Variants in SESN3 observed in about 807,000 individuals in gnomAD.
SESN3 encodes sestrin-3.
In SESN3, 21 loss-of-function variants were observed where a neutral mutation model predicts 55.3. The observed-to-expected ratio is 0.38, with a 90% CI of 0.27 to 0.55. SESN3 has a LOEUF of 0.55. Among genes scored for constraint, SESN3 ranks in the 20% least tolerant of loss-of-function variants. SESN3 has a pLI of 0.76. For missense variants in SESN3, 408 were observed against 604.3 expected, an observed-to-expected ratio of 0.68 and a Z score of 3.41; for synonymous variants, 181 against 203.1, an observed-to-expected ratio of 0.89 and a Z score of 0.93.
At chr11:95,212,000 A>C (rs1254148611) in intron 1 of SESN3, among the ~76,000 whole-genome samples, 1 of 152,200 alleles carries the variant, frequency 6.6e-6, no homozygotes, top group Non-Finnish European at 1.5e-5. Context: ...AAGTAAAGCC[A>C]CTTAAGTAAA....
rs1021618624 is a variant in SESN3, at chr11:95,171,807, T to G, written c.*1448A>C. On this transcript the variant is annotated 3_prime_UTR_variant, in exon 10 of 10. Transcript: ENST00000536441. Reference sequence around the variant, plus strand: ...AGTTGTAAGCATCTCTTTAGGCACTTCACTGGTTCATTGACATAATACAAA... The same window carrying G: ...AGTTGTAAGCATCTCTTTAGGCACTGCACTGGTTCATTGACATAATACAAA... The G allele has an allele frequency of 1.3e-5, 2 of 152,176 alleles. No individual in the cohort carries two copies. Among genetic ancestry groups the G allele is most frequent in the Admixed American group, 6.6e-5 (1 of 15,266 alleles). The allele number at this position is 152,176 out of a possible 1,614,324, so 9.4% of individuals were successfully genotyped here. A position where few individuals can be genotyped will look rare whatever the true frequency, so the allele number is the denominator to read the frequency against.
At chr11:95,207,581 T>G (rs2134251278) in intron 1 of SESN3, among the ~76,000 whole-genome samples, 1 of 151,746 alleles carries the variant, frequency 6.6e-6, no homozygotes, top group African/African-American at 2.4e-5. Flanking sequence ...CTAAATGCTT[T>G]AAAATTACTT....
chr11:95,229,726 G>T (rs1861016161), intron 1 of SESN3, among the ~76,000 whole-genome samples: 1 of 152,112 alleles, frequency 6.6e-6, no homozygotes, highest in Non-Finnish European at 1.5e-5. Context: ...CGTATTTAGA[G>T]ATGTTGACTA....
rs572081714 is a variant in SESN3, at chr11:95,223,771, GTAAATGTCTTGGTCCTGGAACCCCTTCA to G, written c.78+6984_78+7011del. Among the ~76,000 whole-genome samples, 190 of 152,170 alleles carry G rather than the reference GTAAATGTCTTGGTCCTGGAACCCCTTCA, an allele frequency of 1.2e-3. 4 individuals carry two copies. The East Asian group carries it at 0.026, about 21-fold the overall frequency. ...AGTAGTAACTCTGGCTCAGTAGTTC[GTAAATGTCTTGGTCCTGGAACCCCTTCA>G]TAAATGTCTTGGTCCTGGAACCCCT... is the stretch of plus-strand genomic sequence containing the variant. On this transcript the variant is annotated intron_variant, in intron 1 of 9. Coordinates refer to ENST00000536441, the MANE Select transcript of SESN3 (RefSeq NM_144665.4).
chr11:95,167,243 A>T lies in SESN3; in HGVS notation c.*6012T>A, dbSNP rs1277224734. 2 of 152,170 alleles carry T rather than the reference A, an allele frequency of 1.3e-5. No homozygotes were observed. Among genetic ancestry groups the T allele is most frequent in the Admixed American group, 1.3e-4 (2 of 15,276 alleles). The allele number at this position is 152,170 out of a possible 1,614,324, so 9.4% of individuals were successfully genotyped here. A position where few individuals can be genotyped will look rare whatever the true frequency, so the allele number is the denominator to read the frequency against. On this transcript the variant is annotated 3_prime_UTR_variant, in exon 10 of 10. Transcript: ENST00000536441. ...GATATTCTTTCGGTAGAAATTATAC[A>T]TTCATTTTTTTAAGAGGTTAACTTG... is the stretch of plus-strand genomic sequence containing the variant.
At chr11:95,178,648 A>C (rs1212900131) in intron 7 of SESN3, 62 bp downstream of exon 7, 2 of 1,026,578 alleles carry the variant, frequency 1.9e-6, no homozygotes, top group Non-Finnish European at 3.0e-6. Flanking sequence ...TTTAAAATTT[A>C]AACACTTAAC....
At chr11:95,194,523 A>G (rs1591058956) in intron 1 of SESN3, among the ~76,000 whole-genome samples, 1 of 152,242 alleles carries the variant, frequency 6.6e-6, no homozygotes, top group South Asian at 2.1e-4. Flanking sequence ...TGTACACACA[A>G]TCTTCATCAA....
At chr11:95,189,236 G>A (rs1860221583) in intron 4 of SESN3, among the ~76,000 whole-genome samples, 1 of 151,830 alleles carries the variant, frequency 6.6e-6, no homozygotes, top group Non-Finnish European at 1.5e-5. Context: ...AAATACAAGT[G>A]CTCTTAGTCA....
In SESN3 at chr11:95,166,990, T is replaced by C. The variant is rs1445264638; in HGVS notation, c.*6265A>G. On this transcript the variant is annotated 3_prime_UTR_variant, in exon 10 of 10. Coordinates refer to ENST00000536441, the MANE Select transcript of SESN3 (RefSeq NM_144665.4). ...ACCAGCGAAATTCAGAAAGCGGAAG[T>C]CTCTCAACATTACAAAGGAAACTCC... The C allele has an allele frequency of 6.6e-6, 1 of 152,214 alleles. No individual in the cohort carries two copies. Among genetic ancestry groups the C allele is most frequent in the Non-Finnish European group, 1.5e-5 (1 of 68,040 alleles). 9.4% of individuals were successfully genotyped at this position (152,214 alleles called of 1,614,324 possible).
At position 95,185,378 on chromosome 11, in the gene SESN3, G is replaced by T; in HGVS notation, c.640C>A (p.Pro214Thr). Residue 214 changes from proline (P) to threonine (T), a missense_variant, in exon 5 of 10, where the codon CCA becomes ACA. Physicochemically the swap from Pro to Thr is conservative, Grantham distance 38 (BLOSUM62 -1). Around this residue, in one of 4 missense-constraint regions of SESN3, gnomAD observed 119 missense variants for 139.9 expected, o/e 0.85. Coordinates refer to ENST00000536441, the MANE Select transcript of SESN3 (RefSeq NM_144665.4). ...TTGGAGATTTCTGGATCTCTCTCTG[G>T]ATTGATACCACTACCAAAAACAAAG... is the stretch of plus-strand genomic sequence containing the variant. ...ASFVFGSGINPERDPEISNGF... is the reference protein window; with the variant it reads ...ASFVFGSGINTERDPEISNGF... The T allele has an allele frequency of 6.2e-7, 1 of 1,613,018 alleles. No individual in the cohort carries two copies. The highest frequency in any genetic ancestry group is 8.5e-7 in the Non-Finnish European group (1 of 1,179,206).
chr11:95,205,765 C>G (rs926926015), intron 1 of SESN3, among the ~76,000 whole-genome samples: 4 of 152,126 alleles, frequency 2.6e-5, no homozygotes, highest in African/African-American at 9.7e-5. Flanking sequence ...ATACATTACA[C>G]TCTAATATTT....
intron 1 of SESN3, among the ~76,000 whole-genome samples, chr11:95,210,358 A>G (rs1860631618): frequency 1.3e-5 from 2 of 152,250 alleles, no homozygotes; most frequent in African/African-American, 2.4e-5. Flanking sequence ...AACTTAAAGT[A>G]CAATTAAAAT....
In SESN3 at chr11:95,169,000, G is replaced by C. The variant is rs990575890; in HGVS notation, c.*4255C>G. The C allele has an allele frequency of 1.3e-5, 2 of 152,246 alleles. No individual in the cohort carries two copies. Among genetic ancestry groups the C allele is most frequent in the Non-Finnish European group, 2.9e-5 (2 of 68,092 alleles). The allele number at this position is 152,246 out of a possible 1,614,324, so 9.4% of individuals were successfully genotyped here. Reference sequence around the variant, plus strand: ...AAGGCAGCCACACTCTCAGCACTATGTTCCTCATATTCTTTGAAAACTCTT... The same window carrying C: ...AAGGCAGCCACACTCTCAGCACTATCTTCCTCATATTCTTTGAAAACTCTT... On this transcript the variant is annotated 3_prime_UTR_variant, in exon 10 of 10. Coordinates refer to ENST00000536441, the MANE Select transcript of SESN3 (RefSeq NM_144665.4).
intron 1 of SESN3, among the ~76,000 whole-genome samples, chr11:95,214,742 T>A (rs917986339): frequency 1.3e-5 from 2 of 152,220 alleles, no homozygotes; most frequent in African/African-American, 4.8e-5. Flanking sequence ...AAGTTTTCTT[T>A]ATGAAAGCTT....
chr11:95,198,395 A>G (rs961337786), intron 1 of SESN3, among the ~76,000 whole-genome samples: 18 of 151,374 alleles, frequency 1.2e-4, no homozygotes, highest in African/African-American at 4.1e-4. Context: ...TTTTCTCAAC[A>G]GATGCTACTT....
At chr11:95,196,412 G>C (rs1860361570) in intron 1 of SESN3, among the ~76,000 whole-genome samples, 1 of 151,348 alleles carries the variant, frequency 6.6e-6, no homozygotes, top group East Asian at 1.9e-4. Context: ...AAGTCAGTAA[G>C]ATCAAATACA....
Position 95,230,424 on chromosome 11 carries a change from A to G in SESN3, c.78+359T>C. The G allele has an allele frequency of 4.6e-6, 1 of 219,658 alleles. No individual in the cohort carries two copies. Among genetic ancestry groups the G allele is most frequent in the Non-Finnish European group, 9.1e-6 (1 of 110,100 alleles). 13.6% of individuals were successfully genotyped at this position (219,658 alleles called of 1,614,324 possible). ...TTCACACCGACCTCCATCAACAGCT[A>G]AACTGCACAGGGAGGAGGATCGAAC... On this transcript the variant is annotated intron_variant, in intron 1 of 9. Coordinates refer to ENST00000536441, the MANE Select transcript of SESN3 (RefSeq NM_144665.4). The surrounding 1 kb of genome is among the most constrained non-coding windows in gnomAD (Gnocchi z 4.6).
chr11:95,229,544 G>T (rs750489303), intron 1 of SESN3, among the ~76,000 whole-genome samples: 17 of 152,194 alleles, frequency 1.1e-4, no homozygotes, highest in Admixed American at 2.0e-4. Context: ...CAGCCCTACT[G>T]CAGGGAAAAG....
At chr11:95,194,399 G>GA (rs1294726694) in intron 1 of SESN3, among the ~76,000 whole-genome samples, 2 of 152,014 alleles carry the variant, frequency 1.3e-5, no homozygotes, top group Non-Finnish European at 2.9e-5. Flanking sequence ...ACAAATTGGT[G>GA]AAAGTAGGCA....
Sources: allele counts gnomAD v4.1 joint callset (sites outside exome capture counted in the v4.1 genomes callset), GRCh38; gene constraint gnomAD v4.1.1; regional missense constraint gnomAD v4.1.1; non-coding constraint Gnocchi (gnomAD v3.1); transcripts MANE v1.5; gene names NCBI Gene and HGNC (gene_info 2026-07-23, HGNC 2026-07-21).